The following FTO variants were observed in gnomAD, a reference collection of about 807,000 sequenced individuals.
FTO encodes the protein alpha-ketoglutarate-dependent dioxygenase FTO.
FTO carries 47 observed loss-of-function variants against 63.9 expected under a neutral mutation model. The ratio of observed to expected loss-of-function variants is 0.74; its 90% confidence interval spans 0.58 to 0.94. The LOEUF (loss-of-function observed/expected upper bound fraction) is 0.94, where lower values mean the gene tolerates loss of function less well. Among genes scored for constraint, FTO ranks in the 40% least tolerant of loss-of-function variants. The pLI, the probability that FTO is intolerant of heterozygous loss-of-function variation, is 0.00. For missense variants in FTO, 562 were observed against 618.1 expected, an observed-to-expected ratio of 0.91 and a Z score of 0.96; for synonymous variants, 207 against 224.4, an observed-to-expected ratio of 0.92 and a Z score of 0.69.
At chr16:53,884,599 T>C (rs2151899427) in intron 6 of FTO, among the ~76,000 whole-genome samples, 1 of 152,324 alleles carries the variant, frequency 6.6e-6, no homozygotes, top group East Asian at 1.9e-4. Context: ...TAAATAAACT[T>C]GGTAGAAGAA....
At chr16:53,844,985 C>T (rs1273479362) in intron 4 of FTO, among the ~76,000 whole-genome samples, 1 of 151,016 alleles carries the variant, frequency 6.6e-6, no homozygotes, top group East Asian at 1.9e-4. Context: ...TGGGGCCTTT[C>T]TCTCGACTTG....
intron 8 of FTO, among the ~76,000 whole-genome samples, chr16:54,103,419 C>A (rs1205652072): frequency 6.6e-6 from 1 of 152,096 alleles, no homozygotes; most frequent in African/African-American, 2.4e-5. Flanking sequence ...GGTGTATTGA[C>A]CCGGGGGAAA....
At chr16:54,087,553 C>T (rs745420206) in intron 8 of FTO, among the ~76,000 whole-genome samples, 5 of 152,134 alleles carry the variant, frequency 3.3e-5, no homozygotes, top group East Asian at 1.9e-4. Context: ...CCTGTAATCC[C>T]GGCATTTTGG....
intron 7 of FTO, among the ~76,000 whole-genome samples, chr16:53,914,224 G>A (rs749916724): frequency 3.3e-5 from 5 of 151,518 alleles, no homozygotes; most frequent in Non-Finnish European, 5.9e-5. Flanking sequence ...CTCCTGTGAT[G>A]TCTTAGAAGA....
intron 8 of FTO, 21 bp downstream of exon 8, chr16:53,934,130 G>A (rs1321564619): frequency 1.4e-5 from 23 of 1,613,810 alleles, no homozygotes; most frequent in Non-Finnish European, 1.7e-5. Flanking sequence ...TTGTGAAATG[G>A]GATTTGTTGT....
chr16:53,940,151 T>A (rs1434259838), intron 8 of FTO, among the ~76,000 whole-genome samples: 1 of 152,164 alleles, frequency 6.6e-6, no homozygotes, highest in East Asian at 1.9e-4. Context: ...TCCTTGTCGT[T>A]ACCTGTTATT....
At chr16:53,961,971 A>G (rs2083091941) in intron 8 of FTO, among the ~76,000 whole-genome samples, 1 of 152,184 alleles carries the variant, frequency 6.6e-6, no homozygotes, top group South Asian at 2.1e-4. Context: ...AACCCATCAG[A>G]ACAGGTACAT....
At chr16:53,811,186 C>G (rs2151738356) in intron 2 of FTO, among the ~76,000 whole-genome samples, 1 of 152,186 alleles carries the variant, frequency 6.6e-6, no homozygotes, top group Non-Finnish European at 1.5e-5. Flanking sequence ...GGTGGCTCTC[C>G]CAAAGGAAAA....
chr16:54,104,386 C>G (rs1375615237), intron 8 of FTO, among the ~76,000 whole-genome samples: 4 of 150,086 alleles, frequency 2.7e-5, no homozygotes, highest in Non-Finnish European at 5.9e-5. Context: ...GATCTCGGCT[C>G]GCTGCAATCT....
intron 8 of FTO, among the ~76,000 whole-genome samples, chr16:54,083,961 G>A (rs2086206497): frequency 6.6e-6 from 1 of 152,176 alleles, no homozygotes; most frequent in African/African-American, 2.4e-5. Flanking sequence ...TCCAAAATCT[G>A]AAATCCGAAA....
chr16:54,015,041 T>C (rs1315850534), intron 8 of FTO, among the ~76,000 whole-genome samples: 3 of 151,710 alleles, frequency 2.0e-5, no homozygotes, highest in Non-Finnish European at 4.4e-5. Flanking sequence ...TTTTTTTCTT[T>C]TTAGAGACAT....
At chr16:53,982,540 A>G (rs17225435) in intron 8 of FTO, among the ~76,000 whole-genome samples, 11,601 of 152,274 alleles carry the variant, frequency 0.076, 516 homozygotes, top group Non-Finnish European at 0.099. Context: ...AGAAGTTACT[A>G]TTATAATACC....
chr16:53,962,296 TGCTTTCATGTTAATGCTTTG>T (rs2083100735), intron 8 of FTO, among the ~76,000 whole-genome samples: 1 of 152,088 alleles, frequency 6.6e-6, no homozygotes, highest in South Asian at 2.1e-4. Flanking sequence ...GTACTATGCT[TGCTTTCATGTTAATGCTTTG>T]GGAAGACACT....
At chr16:53,917,624 C>G (rs932343253) in intron 7 of FTO, among the ~76,000 whole-genome samples, 5 of 151,148 alleles carry the variant, frequency 3.3e-5, no homozygotes, top group African/African-American at 1.2e-4. Context: ...TTCATGGCTA[C>G]TATTAATATG....
rs572690827 is a variant in FTO at position 53,882,772 on chromosome 16, G to A, written c.1119+2785G>A. Among the ~76,000 whole-genome samples, 18 of 152,276 alleles carry A rather than the reference G, an allele frequency of 1.2e-4. No homozygotes were observed. In the East Asian group the frequency reaches 1.9e-3, roughly 16 times the overall value. ...TTTGAGCAAAAGGAGAAATAATGTC[G>A]TCTCCCATGGCAACATATAATATCT... On this transcript the variant is annotated intron_variant, in intron 6 of 8. Coordinates refer to ENST00000471389, the MANE Select transcript of FTO (RefSeq NM_001080432.3).
chr16:53,991,601 A>G (rs570057772), intron 8 of FTO: 2 of 152,336 alleles, frequency 1.3e-5, no homozygotes, highest in Non-Finnish European at 2.9e-5. Flanking sequence ...GCTGCATCCA[A>G]GTACATTTAA....
chr16:53,815,502 C>A (rs1172436234), intron 2 of FTO, among the ~76,000 whole-genome samples: 2 of 152,100 alleles, frequency 1.3e-5, no homozygotes, highest in Non-Finnish European at 2.9e-5. Context: ...GATTAGCGTT[C>A]CTCATGCCCT....
At chr16:53,909,025 C>T (rs2081612183) in intron 7 of FTO, among the ~76,000 whole-genome samples, 1 of 152,148 alleles carries the variant, frequency 6.6e-6, no homozygotes. Context: ...TAAGATAACT[C>T]AGCATCCTTC....
At chr16:53,973,437 C>A (rs1303269956) in intron 8 of FTO, among the ~76,000 whole-genome samples, 3 of 152,218 alleles carry the variant, frequency 2.0e-5, no homozygotes, top group African/African-American at 7.2e-5. Context: ...AAGTCACAGA[C>A]TTAATTGTTC....
Sources: allele counts gnomAD v4.1 joint callset (sites outside exome capture counted in the v4.1 genomes callset), GRCh38; gene constraint gnomAD v4.1.1; transcripts MANE v1.5; gene names NCBI Gene and HGNC (gene_info 2026-07-23, HGNC 2026-07-21).